ADAMTS12: variants seen among roughly 807,000 people sequenced by gnomAD.
The protein encoded by ADAMTS12 is A disintegrin and metalloproteinase with thrombospondin motifs 12.
Under a neutral mutation model 167.8 loss-of-function variants are expected in ADAMTS12, and 118 were observed. The ratio of observed to expected loss-of-function variants is 0.70; its 90% CI spans 0.61 to 0.82. ADAMTS12 has a LOEUF of 0.82. Ranked by LOEUF, ADAMTS12 falls within the 40% of genes least tolerant of loss-of-function variation. The pLI is 0.00. For missense variants in ADAMTS12, 1,916 were observed against 1,998.8 expected, an observed-to-expected ratio of 0.96 and a Z score of 0.79; for synonymous variants, 704 against 716.9, an observed-to-expected ratio of 0.98 and a Z score of 0.29.
chr5:33,634,707 A>G (rs1740109354), intron 12 of ADAMTS12, among the ~76,000 whole-genome samples: 1 of 152,130 alleles, frequency 6.6e-6, no homozygotes, highest in Non-Finnish European at 1.5e-5. Context: ...AATCCCCACA[A>G]TACATAGAAA....
chr5:33,819,233 A>G (rs1430370179), intron 2 of ADAMTS12, among the ~76,000 whole-genome samples: 1 of 152,150 alleles, frequency 6.6e-6, no homozygotes, highest in Admixed American at 6.6e-5. Flanking sequence ...TTTTACATTT[A>G]GATCTTTTAA....
chr5:33,648,684 C>T (rs72741407), intron 9 of ADAMTS12, 138 bp downstream of exon 9: 3 of 1,101,076 alleles, frequency 2.7e-6, no homozygotes, highest in Admixed American at 2.5e-5. Flanking sequence ...TTTTCCCTTA[C>T]AGACACACCT....
chr5:33,616,166 TC>T, intron 14 of ADAMTS12, 94 bp from the exon 15 acceptor site: 1 of 1,501,862 alleles, frequency 6.7e-7, no homozygotes, highest in South Asian at 1.3e-5. Context: ...CTTTCCAGCC[TC>T]CCCATCATTT....
At chr5:33,609,954 C>T (rs1053018152) in intron 16 of ADAMTS12, among the ~76,000 whole-genome samples, 1 of 151,620 alleles carries the variant, frequency 6.6e-6, no homozygotes, top group Non-Finnish European at 1.5e-5. Flanking sequence ...CCAAAGTGGG[C>T]GGATCACCTG....
rs1159028868 is a variant in ADAMTS12 at position 33,577,019 on chromosome 5, G to C, written c.3007C>G (p.Leu1003Val). Residue 1003 changes from leucine to valine, a missense_variant, in exon 19 of 24, where the codon CTG becomes GTG. Coordinates refer to ENST00000504830, the MANE Select transcript of ADAMTS12 (RefSeq NM_030955.4). The stretch of plus-strand genomic sequence containing the variant: ...GAAATAGTGCCTTTGTTTGGTTTCA[G>C]AACTCTCCGGCTAGAAGGGCATTGC... ...LQQCPSSRRV[L>V]KPNKGTISNG... 1.2e-6 allele frequency: 2 copies of C among 1,614,184 alleles called. No homozygotes were observed. Among genetic ancestry groups the C allele is most frequent in the Non-Finnish European group, 1.7e-6 (2 of 1,180,016 alleles).
intron 12 of ADAMTS12, among the ~76,000 whole-genome samples, chr5:33,635,290 C>T (rs12110037): frequency 0.53 from 79,969 of 151,912 alleles, 22,632 homozygotes; most frequent in Non-Finnish European, 0.62. Flanking sequence ...TCCTGGCTTA[C>T]GAAATAATCG....
At position 33,575,590 on chromosome 5, in the gene ADAMTS12, C is replaced by G. The variant is rs376439479; in HGVS notation, c.3972+464G>C. 2.5e-3 allele frequency among the ~76,000 whole-genome samples: 377 copies of G among 152,202 alleles called. 1 individual carries two copies. The highest frequency in any genetic ancestry group is 8.6e-3 in the African/African-American group (355 of 41,474). ...TTCCCTTTCCAATGACATTTTAAGTCAACCACCAAACAGTTGGCACTTGAA... is the reference window on the plus strand; with the variant it reads ...TTCCCTTTCCAATGACATTTTAAGTGAACCACCAAACAGTTGGCACTTGAA... On this transcript the variant is annotated intron_variant, in intron 19 of 23. Coordinates refer to ENST00000504830, the MANE Select transcript of ADAMTS12 (RefSeq NM_030955.4).
At chr5:33,825,769 G>C (rs1185378307) in intron 2 of ADAMTS12, among the ~76,000 whole-genome samples, 1 of 152,188 alleles carries the variant, frequency 6.6e-6, no homozygotes, top group Non-Finnish European at 1.5e-5. Flanking sequence ...CTCTCTGGAA[G>C]TGGGAGAGAA....
At position 33,637,763 on chromosome 5, in the gene ADAMTS12, C is replaced by G. The variant is rs1292760732; in HGVS notation, c.1719-17G>C. On this transcript the variant is annotated splice_polypyrimidine_tract_variant and intron_variant, in intron 11 of 23. Coordinates refer to ENST00000504830, the MANE Select transcript of ADAMTS12 (RefSeq NM_030955.4). ...AACTTTGGCCTGCAAATGAAACAGA[C>G]AAGCTTTTCTTTTAGTTTGCTTCAA... The G allele has an allele frequency of 3.1e-6, 5 of 1,610,216 alleles. No individual in the cohort carries two copies. In the South Asian group the frequency reaches 5.5e-5, roughly 18 times the overall value.
chr5:33,583,942 A>G (rs928954213), intron 18 of ADAMTS12, among the ~76,000 whole-genome samples: 2 of 151,862 alleles, frequency 1.3e-5, no homozygotes, highest in African/African-American at 4.9e-5. Context: ...ACAGAATGAG[A>G]AAAGCCAGTC....
At chr5:33,743,829 C>G (rs1744687965) in intron 3 of ADAMTS12, among the ~76,000 whole-genome samples, 1 of 152,114 alleles carries the variant, frequency 6.6e-6, no homozygotes, top group Non-Finnish European at 1.5e-5. Context: ...TCATTTTTAA[C>G]TACACCCTCA....
chr5:33,607,605 T>C (rs4432892), intron 16 of ADAMTS12, among the ~76,000 whole-genome samples: 88,181 of 151,958 alleles, frequency 0.58, 25,870 homozygotes, highest in East Asian at 0.82. Flanking sequence ...TTGGGCTGTA[T>C]GGCCGTTTTA....
intron 5 of ADAMTS12, among the ~76,000 whole-genome samples, chr5:33,664,201 A>G (rs1741384779): frequency 6.6e-6 from 1 of 152,204 alleles, no homozygotes; most frequent in African/African-American, 2.4e-5. Flanking sequence ...TCCAGGCCTC[A>G]GGTTAGCTAA....
At chr5:33,793,672 A>T (rs956844132) in intron 2 of ADAMTS12, among the ~76,000 whole-genome samples, 1 of 152,138 alleles carries the variant, frequency 6.6e-6, no homozygotes, top group African/African-American at 2.4e-5. Flanking sequence ...TCAATTTAAT[A>T]TCCACAGCAA....
chr5:33,807,548 C>T (rs1676196773), intron 2 of ADAMTS12, among the ~76,000 whole-genome samples: 1 of 152,168 alleles, frequency 6.6e-6, no homozygotes, highest in Non-Finnish European at 1.5e-5. Context: ...GAGCCTGGCA[C>T]ACAATAAGCA....
chr5:33,814,342 A>C (rs923459979), intron 2 of ADAMTS12, among the ~76,000 whole-genome samples: 6 of 152,188 alleles, frequency 3.9e-5, no homozygotes, highest in Non-Finnish European at 2.9e-5. Context: ...ATTATTGAAA[A>C]GGCCATCCTT....
intron 2 of ADAMTS12, among the ~76,000 whole-genome samples, chr5:33,754,854 C>T (rs1745116694): frequency 6.6e-6 from 1 of 152,038 alleles, no homozygotes; most frequent in African/African-American, 2.4e-5. Context: ...GAAGAAAACT[C>T]CATCTCAAAA....
chr5:33,524,808 T>C lies in ADAMTS12; in HGVS notation c.*2380A>G, dbSNP rs528318994. On this transcript the variant is annotated 3_prime_UTR_variant, in exon 24 of 24. Transcript: ENST00000504830. The stretch of plus-strand genomic sequence containing the variant: ...CTCCAGAACAGGAAGCAAATATCCA[T>C]GGCAAATAATTAGGAGCCAATGTTC... The C allele has an allele frequency of 6.6e-6, 1 of 152,314 alleles. No individual in the cohort carries two copies. Among genetic ancestry groups the C allele is most frequent in the Admixed American group, 6.5e-5 (1 of 15,296 alleles). The allele number at this position is 152,314 out of a possible 1,614,324, so 9.4% of individuals were successfully genotyped here. A position where few individuals can be genotyped will look rare whatever the true frequency, so the allele number is the denominator to read the frequency against.
intron 3 of ADAMTS12, among the ~76,000 whole-genome samples, chr5:33,730,289 G>GGTGTGTGTGTGTGTGTGTGTGTGT (rs762232547): frequency 6.2e-5 from 9 of 144,212 alleles, no homozygotes; most frequent in East Asian, 2.0e-4. Flanking sequence ...AGTCCATTAG[G>GGTGTGTGTGTGTGTGTGTGTGTGT]GTGTGTGTGT....
Sources: gnomAD v4.1 joint callset for allele counts (sites outside exome capture counted in the v4.1 genomes callset) on GRCh38, gnomAD v4.1.1 for gene constraint, MANE v1.5 for transcripts, NCBI Gene and HGNC (gene_info 2026-07-23, HGNC 2026-07-21) for gene names.